DENND5B: variants seen among roughly 807,000 people sequenced by gnomAD.
The protein encoded by DENND5B is DENN domain-containing protein 5B.
DENND5B carries 34 observed loss-of-function variants against 140.6 expected under a neutral mutation model. That is an observed-to-expected ratio of 0.24 (90% CI 0.18 to 0.32). The LOEUF is 0.32. Among genes scored for constraint, DENND5B ranks in the 10% least tolerant of loss-of-function variants. DENND5B has a pLI of 1.00. For synonymous variants in DENND5B, 551 were observed against 562.1 expected (o/e 0.98, Z 0.28); for missense variants, 1,142 against 1,560.2 (o/e 0.73, Z 4.52).
Position 31,590,791 on chromosome 12 carries a change from G to A in DENND5B, c.42C>T (p.Ser14=), listed in dbSNP as rs1458724774. 2.9e-6 allele frequency: 4 copies of A among 1,360,506 alleles called. No homozygotes were observed. Among genetic ancestry groups the A allele is most frequent in the South Asian group, 1.8e-5 (1 of 57,122 alleles). The allele number at this position is 1,360,506 out of a possible 1,614,324, so 84.3% of individuals were successfully genotyped here. ...SCAAPGPGSG[S]SPAACRFAHY... is the part of the protein sequence containing the mutation. ...GCGCGAAGCGGCAGGCGGCCGGGGA[G>A]GAGCCCGAGCCCGGGCCGGGCGCCG... The change falls in exon 1 of 21, where the codon TCC becomes TCT. Residue 14 remains serine (S), a synonymous_variant. Transcript: ENST00000389082.
chr12:31,394,174 G>C (rs1200731935), intron 17 of DENND5B, among the ~76,000 whole-genome samples: 1 of 151,786 alleles, frequency 6.6e-6, no homozygotes, highest in Admixed American at 6.6e-5. Context: ...TTTTAGACAT[G>C]AAGTCTATTT....
In DENND5B at chr12:31,498,479, A is replaced by C. The variant is rs905080651; in HGVS notation, c.128-2560T>G. 2.6e-5 allele frequency among the ~76,000 whole-genome samples: 4 copies of C among 152,306 alleles called. No homozygotes were observed. The East Asian group carries it at 5.8e-4, about 22-fold the overall frequency. ...ACCTCCAGAAAGAAATAATTTTACA[A>C]AAACAAAAAAAGCCACAAAACAGTA... On this transcript the variant is annotated intron_variant, in intron 1 of 20. Coordinates refer to ENST00000389082, the MANE Select transcript of DENND5B (RefSeq NM_144973.4).
intron 4 of DENND5B, among the ~76,000 whole-genome samples, chr12:31,459,335 C>T (rs1340277357): frequency 6.6e-6 from 1 of 152,022 alleles, no homozygotes; most frequent in Non-Finnish European, 1.5e-5. Context: ...GCTCTGTCAC[C>T]CTGGAGTGCA....
At chr12:31,476,985 T>C (rs1424058598) in intron 3 of DENND5B, among the ~76,000 whole-genome samples, 2 of 152,182 alleles carry the variant, frequency 1.3e-5, no homozygotes, top group South Asian at 2.1e-4. Context: ...TCCCAGCACT[T>C]TGGGAGGCTG....
intron 1 of DENND5B, among the ~76,000 whole-genome samples, chr12:31,571,047 C>T (rs1315334376): frequency 6.6e-6 from 1 of 152,036 alleles, no homozygotes; most frequent in East Asian, 1.9e-4. Flanking sequence ...GCTGCAAGTG[C>T]CAGCACTGAT....
intron 7 of DENND5B, among the ~76,000 whole-genome samples, chr12:31,435,715 C>G (rs1943719605): frequency 6.6e-6 from 1 of 152,158 alleles, no homozygotes; most frequent in African/African-American, 2.4e-5. Flanking sequence ...GGCTGGAGTA[C>G]AGTGGCAAGA....
chr12:31,506,720 A>T (rs1296880227), intron 1 of DENND5B, among the ~76,000 whole-genome samples: 1 of 152,180 alleles, frequency 6.6e-6, no homozygotes, highest in Non-Finnish European at 1.5e-5. Context: ...ATGTATTTAC[A>T]ATTACAGTTT....
chr12:31,465,150 T>C (rs1302102806), intron 3 of DENND5B: 1 of 152,260 alleles, frequency 6.6e-6, no homozygotes, highest in African/African-American at 2.4e-5. Flanking sequence ...GAGAATAAGG[T>C]CAGCCCCTCA....
At chr12:31,527,990 G>C (rs2139056974) in intron 1 of DENND5B, among the ~76,000 whole-genome samples, 1 of 152,278 alleles carries the variant, frequency 6.6e-6, no homozygotes, top group South Asian at 2.1e-4. Flanking sequence ...AGGTGAGGGA[G>C]ATTATTTTAG....
intron 1 of DENND5B, among the ~76,000 whole-genome samples, chr12:31,526,154 C>T (rs1051288065): frequency 6.6e-6 from 1 of 152,054 alleles, no homozygotes; most frequent in Non-Finnish European, 1.5e-5. Context: ...TATATTAGAA[C>T]CCAGGCTAGT....
At chr12:31,419,931 C>T in intron 11 of DENND5B, 1 of 812,428 alleles carries the variant, frequency 1.2e-6, no homozygotes, top group Non-Finnish European at 1.5e-6. Flanking sequence ...CAAGACTGCG[C>T]CATTGCACTC....
chr12:31,460,945 TG>T (rs1565601985), intron 3 of DENND5B, among the ~76,000 whole-genome samples: 1 of 152,120 alleles, frequency 6.6e-6, no homozygotes, highest in Non-Finnish European at 1.5e-5. Context: ...AGGGTGATCT[TG>T]AACTCTTGAC....
At chr12:31,417,132 G>A (rs1461148942) in intron 11 of DENND5B, among the ~76,000 whole-genome samples, 8 of 149,758 alleles carry the variant, frequency 5.3e-5, no homozygotes, top group African/African-American at 1.2e-4. Context: ...CGAGGCGGGC[G>A]GATCATGAGG....
intron 1 of DENND5B, among the ~76,000 whole-genome samples, chr12:31,570,301 GA>G (rs1358083148): frequency 6.7e-6 from 1 of 148,740 alleles, no homozygotes; most frequent in African/African-American, 2.5e-5. Context: ...TTAAGAGACG[GA>G]GTCTCACTCT....
At chr12:31,414,568 C>T (rs570091599) in intron 12 of DENND5B, among the ~76,000 whole-genome samples, 2 of 152,148 alleles carry the variant, frequency 1.3e-5, no homozygotes, top group East Asian at 1.9e-4. Flanking sequence ...GTCTGTAATC[C>T]CAGCCCTTTG....
chr12:31,384,986 G>C lies in DENND5B; in HGVS notation c.*2617C>G, dbSNP rs1940788532. The C allele has an allele frequency of 6.6e-6, 1 of 151,470 alleles. No homozygotes were observed. The highest frequency in any genetic ancestry group is 2.4e-5 in the African/African-American group (1 of 41,186). 9.4% of individuals were successfully genotyped at this position (151,470 alleles called of 1,614,324 possible). On this transcript the variant is annotated 3_prime_UTR_variant, in exon 21 of 21. Coordinates refer to ENST00000389082, the MANE Select transcript of DENND5B (RefSeq NM_144973.4). ...AGACGGGGTTTCACCATGTTGGCCA[G>C]TCTGGTCTTGAACTCCCGACTGACC...
At chr12:31,495,447 C>A (rs562078766) in intron 2 of DENND5B, among the ~76,000 whole-genome samples, 84 of 142,114 alleles carry the variant, frequency 5.9e-4, no homozygotes, top group African/African-American at 2.1e-3. Context: ...GGCGTGATCA[C>A]GGCTCACCAC....
rs372261659 is a variant in DENND5B, at chr12:31,556,574, T to C, written c.127+34132A>G. On this transcript the variant is annotated intron_variant, in intron 1 of 20. Coordinates refer to ENST00000389082, the MANE Select transcript of DENND5B (RefSeq NM_144973.4). ...ATTTCAGAGGCTTTGCAGAACAATA[T>C]TAAGAAAACTACTGTTTGCTAGGCT... Among the ~76,000 whole-genome samples, 23 of 152,288 alleles carry C rather than the reference T, an allele frequency of 1.5e-4. 1 individual carries two copies. Among genetic ancestry groups the C allele is most frequent in the East Asian group, 1.2e-3 (6 of 5,182 alleles).
Position 31,548,349 on chromosome 12 carries a change from G to A in DENND5B, c.127+42357C>T, listed in dbSNP as rs1948929684. Among the ~76,000 whole-genome samples, 7 of 150,718 alleles carry A rather than the reference G, an allele frequency of 4.6e-5. No homozygotes were observed. In the South Asian group the frequency reaches 1.1e-3, roughly 23 times the overall value. ...GTCAAGGCTGCCGTGAGCTGTGATC[G>A]CTCTACTGCACAGCAGCTTAGGCAA... On this transcript the variant is annotated intron_variant, in intron 1 of 20. Transcript: ENST00000389082.
Sources: allele counts gnomAD v4.1 joint callset (sites outside exome capture counted in the v4.1 genomes callset), GRCh38; gene constraint gnomAD v4.1.1; transcripts MANE v1.5; gene names NCBI Gene and HGNC (gene_info 2026-07-23, HGNC 2026-07-21).